Variants in KIF21A observed in about 807,000 individuals in gnomAD.
The protein encoded by KIF21A is kinesin-like protein KIF21A.
A neutral mutation model predicts 202.9 loss-of-function variants in KIF21A; 114 were observed. The ratio of observed to expected loss-of-function variants is 0.56; its 90% CI spans 0.48 to 0.66. The LOEUF is 0.66. Ranked by LOEUF, KIF21A falls within the 30% of genes least tolerant of loss-of-function variation. The probability of loss-of-function intolerance (pLI) is 0.00; values close to 1 mark genes in which losing one functional copy is unlikely to be tolerated. For synonymous variants in KIF21A, 667 were observed against 670.8 expected, an observed-to-expected ratio of 0.99 and a Z score of 0.09; for missense variants, 1,677 against 1,994.9, an observed-to-expected ratio of 0.84 and a Z score of 3.04.
intron 20 of KIF21A, 39 bp downstream of exon 20, chr12:39,332,552 T>C (rs2138132655): frequency 6.5e-7 from 1 of 1,537,888 alleles, no homozygotes; most frequent in Non-Finnish European, 8.8e-7. Flanking sequence ...AATTAACAGT[T>C]AGCTAAGGGG....
chr12:39,327,010 T>G (rs900587107), intron 24 of KIF21A, among the ~76,000 whole-genome samples: 1 of 152,062 alleles, frequency 6.6e-6, no homozygotes, highest in African/African-American at 2.4e-5. Context: ...CATATAAAAC[T>G]GTTAGGAAGT....
chr12:39,314,776 A>G (rs1197648899), intron 31 of KIF21A, among the ~76,000 whole-genome samples: 1 of 151,876 alleles, frequency 6.6e-6, no homozygotes, highest in African/African-American at 2.4e-5. Flanking sequence ...TAAAATACTC[A>G]GTAAATATTT....
intron 1 of KIF21A, among the ~76,000 whole-genome samples, chr12:39,416,847 A>G (rs1022566124): frequency 1.4e-5 from 2 of 142,558 alleles, no homozygotes; most frequent in Non-Finnish European, 3.0e-5. Flanking sequence ...ATATATAGAT[A>G]TGTACATATA....
intron 11 of KIF21A, 132 bp downstream of exon 11, chr12:39,351,645 G>A (rs1948389018): frequency 1.6e-6 from 1 of 615,554 alleles, no homozygotes; most frequent in South Asian, 2.0e-5. Flanking sequence ...GATAGTTGTA[G>A]TTTCAGCTAA....
At chr12:39,311,656 A>T in intron 31 of KIF21A, 103 bp from the exon 32 acceptor site, 1 of 1,126,062 alleles carries the variant, frequency 8.9e-7, no homozygotes, top group Non-Finnish European at 1.3e-6. Flanking sequence ...AGAAGTCTTT[A>T]TAAGTAATTA....
At chr12:39,357,087 A>T (rs1034754380) in intron 9 of KIF21A, among the ~76,000 whole-genome samples, 161 bp downstream of exon 9, 7 of 152,238 alleles carry the variant, frequency 4.6e-5, no homozygotes, top group Non-Finnish European at 1.0e-4. Context: ...TTATATAAGA[A>T]TTTATTATTT....
In KIF21A at chr12:39,322,878, C is replaced by T. The variant is rs986963607; in HGVS notation, c.3461G>A (p.Arg1154Gln). The T allele has an allele frequency of 9.9e-6, 15 of 1,522,556 alleles. No homozygotes were observed. The highest frequency in any genetic ancestry group is 1.4e-5 in the African/African-American group (1 of 69,062). The allele number at this position is 1,522,556 out of a possible 1,614,324, so 94.3% of individuals were successfully genotyped here. A position where few individuals can be genotyped will look rare whatever the true frequency, so the allele number is the denominator to read the frequency against. Residue 1154 changes from arginine (R) to glutamine (Q), a missense_variant, in exon 27 of 38, where the codon CGA becomes CAA. Coordinates refer to ENST00000361418, the MANE Select transcript of KIF21A (RefSeq NM_001173464.2). ...CGEVKPKNKA[R>Q]RRTTTQMELL... ...TTCCATCTGAGTGGTGGTTCTCCTT[C>T]GGGCCTAGTCAAAGAATGGAAGGAA...
chr12:39,403,556 A>G (rs1038850879), intron 1 of KIF21A, among the ~76,000 whole-genome samples: 3 of 152,204 alleles, frequency 2.0e-5, no homozygotes, highest in African/African-American at 7.2e-5. Context: ...TTTATTAGCT[A>G]CATGACCTAG....
intron 1 of KIF21A, among the ~76,000 whole-genome samples, chr12:39,370,876 T>C (rs1163631028): frequency 6.6e-6 from 1 of 152,104 alleles, no homozygotes; most frequent in Non-Finnish European, 1.5e-5. Flanking sequence ...ATTGAAATAC[T>C]GTCATCTCTC....
intron 1 of KIF21A, among the ~76,000 whole-genome samples, chr12:39,396,229 T>A (rs941131126): frequency 6.6e-6 from 1 of 152,146 alleles, no homozygotes; most frequent in Non-Finnish European, 1.5e-5. Context: ...TTTTAAAATG[T>A]AAGAATGTAC....
chr12:39,344,628 C>T (rs1947734936), intron 12 of KIF21A, among the ~76,000 whole-genome samples: 1 of 152,124 alleles, frequency 6.6e-6, no homozygotes, highest in Admixed American at 6.6e-5. Context: ...TCTACATTAA[C>T]TCATATATTA....
intron 1 of KIF21A, among the ~76,000 whole-genome samples, chr12:39,389,536 C>T (rs1347248664): frequency 1.3e-5 from 2 of 152,148 alleles, no homozygotes; most frequent in Non-Finnish European, 2.9e-5. Flanking sequence ...TTGCCACTGC[C>T]ACCAGTCCAT....
intron 1 of KIF21A, among the ~76,000 whole-genome samples, chr12:39,417,375 A>G (rs2140164078): frequency 6.6e-6 from 1 of 152,312 alleles, no homozygotes; most frequent in Admixed American, 6.5e-5. Context: ...ATATTTTCCA[A>G]TATCAATGAT....
At chr12:39,298,150 T>C (rs541816618) in intron 37 of KIF21A, among the ~76,000 whole-genome samples, 3 of 151,978 alleles carry the variant, frequency 2.0e-5, no homozygotes, top group Non-Finnish European at 4.4e-5. Context: ...ACAAAGAAGA[T>C]GAACTGTGTG....
At chr12:39,386,286 G>C (rs1474372776) in intron 1 of KIF21A, among the ~76,000 whole-genome samples, 3 of 152,060 alleles carry the variant, frequency 2.0e-5, no homozygotes, top group Admixed American at 2.0e-4. Flanking sequence ...AGCGGTCAGG[G>C]TGCACTATTC....
At chr12:39,297,865 A>G (rs1267876931) in intron 37 of KIF21A, among the ~76,000 whole-genome samples, 5 of 149,954 alleles carry the variant, frequency 3.3e-5, no homozygotes, top group Non-Finnish European at 1.5e-5. Flanking sequence ...GCAGGCAATA[A>G]TAATAATTAT....
chr12:39,352,197 C>G (rs1948442474), intron 10 of KIF21A, among the ~76,000 whole-genome samples: 1 of 152,050 alleles, frequency 6.6e-6, no homozygotes, highest in African/African-American at 2.4e-5. Flanking sequence ...TTCCCCTCAG[C>G]CCCTCTACCT....
intron 1 of KIF21A, among the ~76,000 whole-genome samples, chr12:39,384,203 T>C (rs976773496): frequency 6.6e-6 from 1 of 152,216 alleles, no homozygotes; most frequent in Non-Finnish European, 1.5e-5. Context: ...TGCTTTTTTT[T>C]AAACTCATGG....
Position 39,369,846 on chromosome 12 carries a change from C to T in KIF21A, c.333G>A (p.Leu111=). 6.2e-7 allele frequency: 1 copy of T among 1,612,960 alleles called. No homozygotes were observed. The highest frequency in any genetic ancestry group is 8.5e-7 in the Non-Finnish European group (1 of 1,179,190). The change falls in exon 3 of 38, where the codon CTG becomes CTA. Residue 111 remains leucine (L), a synonymous_variant. Transcript: ENST00000361418. ...GTTTAACAGCTCGAGAAATAATACC[C>T]AGTTCTTCCTCAACAATGTTAACAT... ...GFDVNIVEEE[L]GIISRAVKHL...
Sources: allele counts gnomAD v4.1 joint callset (sites outside exome capture counted in the v4.1 genomes callset), GRCh38; gene constraint gnomAD v4.1.1; transcripts MANE v1.5; gene names NCBI Gene and HGNC (gene_info 2026-07-23, HGNC 2026-07-21).